Variants in IPO11 observed in about 807,000 individuals in gnomAD.
The protein encoded by IPO11 is importin-11.
IPO11 carries 66 observed loss-of-function variants against 143.2 expected under a neutral mutation model. The observed-to-expected ratio is 0.46, with a 90% CI of 0.38 to 0.57. The LOEUF is 0.57. Among genes scored for constraint, IPO11 ranks in the 20% least tolerant of loss-of-function variants. The probability of loss-of-function intolerance (pLI) is 0.00; values close to 1 mark genes in which losing one functional copy is unlikely to be tolerated. For synonymous variants in IPO11, 385 were observed against 377.8 expected, an observed-to-expected ratio of 1.02 and a Z score of -0.22; for missense variants, 1,026 against 1,141.0, an observed-to-expected ratio of 0.90 and a Z score of 1.45.
intron 2 of IPO11, among the ~76,000 whole-genome samples, chr5:62,439,997 A>G (rs1744406981): frequency 6.6e-6 from 1 of 152,216 alleles, no homozygotes. Context: ...AGATAGACTG[A>G]GTGAGATCCA....
At chr5:62,579,294 T>G (rs868203804) in intron 27 of IPO11, 190 of 743,538 alleles carry the variant, frequency 2.6e-4, no homozygotes, top group Middle Eastern at 1.7e-3. Flanking sequence ...TATGATAGTA[T>G]TATTGGCTGA....
chr5:62,624,898 T>G (rs1746504621), intron 29 of IPO11, among the ~76,000 whole-genome samples: 1 of 146,168 alleles, frequency 6.8e-6, no homozygotes, highest in South Asian at 2.1e-4. Context: ...GGCAGGAGAA[T>G]GGCGTGAACC....
intron 26 of IPO11, among the ~76,000 whole-genome samples, chr5:62,555,230 T>G (rs150253759): frequency 4.9e-4 from 74 of 152,064 alleles, no homozygotes; most frequent in African/African-American, 1.8e-3. Flanking sequence ...TTTCACCAAT[T>G]CACGAACATG....
chr5:62,512,604 TTA>T (rs1741795951), intron 19 of IPO11: 2 of 556,522 alleles, frequency 3.6e-6, no homozygotes, highest in East Asian at 5.9e-5. Context: ...TGTTTTCTTT[TTA>T]ATTTTATTTT....
chr5:62,435,206 ATATG>A (rs1321897179), intron 1 of IPO11, among the ~76,000 whole-genome samples: 4 of 99,654 alleles, frequency 4.0e-5, no homozygotes, highest in African/African-American at 1.1e-4. Context: ...ATATGTATAT[ATATG>A]TGTATATATA....
intron 29 of IPO11, among the ~76,000 whole-genome samples, chr5:62,623,527 G>A (rs1746446777): frequency 6.6e-6 from 1 of 152,112 alleles, no homozygotes. Flanking sequence ...GAGTGAAGTG[G>A]AAGCAAGCTT....
chr5:62,580,965 G>A (rs1213422242), intron 27 of IPO11: 1 of 1,551,138 alleles, frequency 6.4e-7, no homozygotes. Flanking sequence ...CTGCTTCAAT[G>A]TCAGGGAAAA....
chr5:62,480,431 T>G (rs1746143967), intron 9 of IPO11, among the ~76,000 whole-genome samples: 1 of 152,226 alleles, frequency 6.6e-6, no homozygotes, highest in South Asian at 2.1e-4. Context: ...GGCTTTTTTT[T>G]GGTTCCAAAT....
At position 62,441,238 on chromosome 5, in the gene IPO11, C is replaced by T. The variant is rs964798161; in HGVS notation, c.139-1745C>T. Among the ~76,000 whole-genome samples the T allele has an allele frequency of 2.0e-5, 3 of 152,082 alleles. No homozygotes were observed. In the South Asian group the frequency reaches 6.2e-4, roughly 32 times the overall value. On this transcript the variant is annotated intron_variant, in intron 2 of 29. Coordinates refer to ENST00000325324, the MANE Select transcript of IPO11 (RefSeq NM_016338.5). The stretch of plus-strand genomic sequence containing the variant: ...TTGAGACAGAGTTTCACTCTTGTTG[C>T]CCAGGATGGAGTGCAATGGTGCGAT...
rs192705196 is a variant in IPO11, at chr5:62,499,640, A to G, written c.1591-5027A>G. Among the ~76,000 whole-genome samples the G allele has an allele frequency of 6.0e-3, 893 of 148,010 alleles. 5 individuals carry two copies. Among genetic ancestry groups the G allele is most frequent in the Middle Eastern group, 0.011 (3 of 280 alleles). ...GCCCAGGCTGGAGTGCAGAGGCGCAATCTCGGCTCACTGCAAGCTCTGCCT... is the reference window on the plus strand; with the variant it reads ...GCCCAGGCTGGAGTGCAGAGGCGCAGTCTCGGCTCACTGCAAGCTCTGCCT... On this transcript the variant is annotated intron_variant, in intron 16 of 29. Transcript: ENST00000325324.
intron 29 of IPO11, among the ~76,000 whole-genome samples, chr5:62,610,750 T>C (rs1745896401): frequency 6.6e-6 from 1 of 152,192 alleles, no homozygotes; most frequent in South Asian, 2.1e-4. Flanking sequence ...AACTAGCATC[T>C]TCAAAATGAA....
At chr5:62,548,475 T>C (rs1332935435) in intron 24 of IPO11, among the ~76,000 whole-genome samples, 1 of 152,140 alleles carries the variant, frequency 6.6e-6, no homozygotes, top group Non-Finnish European at 1.5e-5. Context: ...ATGCATTCCA[T>C]TGGGCACTGA....
chr5:62,440,537 A>T (rs1744431199), intron 2 of IPO11, among the ~76,000 whole-genome samples: 1 of 151,318 alleles, frequency 6.6e-6, no homozygotes, highest in African/African-American at 2.4e-5. Context: ...TTGTATTTTT[A>T]GTAGAGACAG....
At chr5:62,559,005 A>C (rs1347650376) in intron 26 of IPO11, among the ~76,000 whole-genome samples, 3 of 152,214 alleles carry the variant, frequency 2.0e-5, no homozygotes, top group Non-Finnish European at 1.5e-5. Flanking sequence ...TTATGTCTAA[A>C]GTAATAATGT....
chr5:62,574,262 T>A (rs1035218586), intron 27 of IPO11, among the ~76,000 whole-genome samples: 2 of 152,210 alleles, frequency 1.3e-5, no homozygotes, highest in Non-Finnish European at 2.9e-5. Flanking sequence ...TCTCATAGCC[T>A]TATTAAATCA....
At chr5:62,471,756 A>T (rs1745779157) in intron 7 of IPO11, among the ~76,000 whole-genome samples, 1 of 152,200 alleles carries the variant, frequency 6.6e-6, no homozygotes, top group Non-Finnish European at 1.5e-5. Flanking sequence ...CTAATTTTTT[A>T]AAAAAGAGAT....
intron 1 of IPO11, among the ~76,000 whole-genome samples, chr5:62,415,464 CTTTTTTTTT>C (rs67290766): frequency 9.9e-6 from 1 of 101,280 alleles, no homozygotes; most frequent in Non-Finnish European, 1.9e-5. Context: ...CCCGTCTTTA[CTTTTTTTTT>C]TTTTTTTTTT....
chr5:62,496,893 C>T (rs1179719964), intron 16 of IPO11, among the ~76,000 whole-genome samples: 3 of 152,168 alleles, frequency 2.0e-5, no homozygotes, highest in Non-Finnish European at 2.9e-5. Flanking sequence ...TATATTGTCA[C>T]ACGGCTATCA....
intron 18 of IPO11, 24 bp from the exon 19 acceptor site, chr5:62,506,217 T>C (rs756774552): frequency 7.5e-7 from 1 of 1,327,986 alleles, no homozygotes; most frequent in South Asian, 1.2e-5. Flanking sequence ...AAACCTTTTT[T>C]ATTTTCTTTC....
Sources: gnomAD v4.1 joint callset for allele counts (sites outside exome capture counted in the v4.1 genomes callset) on GRCh38, gnomAD v4.1.1 for gene constraint, MANE v1.5 for transcripts, NCBI Gene and HGNC (gene_info 2026-07-23, HGNC 2026-07-21) for gene names.